The following RGS7 variants were observed in gnomAD, a reference collection of about 807,000 sequenced individuals.
The protein encoded by RGS7 is regulator of G protein signaling 7.
In RGS7, 27 loss-of-function variants were observed where a neutral mutation model predicts 81.1. That is an observed-to-expected ratio of 0.33 (90% confidence interval 0.25 to 0.46). The LOEUF (loss-of-function observed/expected upper bound fraction) is 0.46. Ranked by LOEUF, RGS7 falls within the 20% of genes least tolerant of loss-of-function variation. The probability of loss-of-function intolerance (pLI) is 1.00; values close to 1 mark genes in which losing one functional copy is unlikely to be tolerated. For synonymous variants in RGS7, 208 were observed against 207.7 expected (o/e 1.00, Z -0.01); for missense variants, 396 against 607.4 (o/e 0.65, Z 3.66).
intron 2 of RGS7, among the ~76,000 whole-genome samples, chr1:241,162,663 C>G (rs1271917170): frequency 6.6e-6 from 1 of 152,218 alleles, no homozygotes; most frequent in Non-Finnish European, 1.5e-5. Context: ...AAACCCACTT[C>G]TACCCCTTGG....
At chr1:241,038,827 T>G (rs2060460277) in intron 3 of RGS7, among the ~76,000 whole-genome samples, 1 of 151,830 alleles carries the variant, frequency 6.6e-6, no homozygotes, top group African/African-American at 2.4e-5. Context: ...AATAAAAAAT[T>G]AGTAGGGCAT....
chr1:240,956,107 C>T (rs1680368236), intron 4 of RGS7, among the ~76,000 whole-genome samples: 1 of 152,070 alleles, frequency 6.6e-6, no homozygotes. Flanking sequence ...TTCATTCTTA[C>T]CAGAACAGTG....
intron 2 of RGS7, among the ~76,000 whole-genome samples, chr1:241,158,246 A>G (rs1277872450): frequency 6.6e-6 from 1 of 152,216 alleles, no homozygotes; most frequent in Non-Finnish European, 1.5e-5. Flanking sequence ...TATGTTTACT[A>G]TCTGGCCCTT....
intron 2 of RGS7, among the ~76,000 whole-genome samples, chr1:241,229,420 G>T (rs898281037): frequency 6.6e-6 from 1 of 152,184 alleles, no homozygotes; most frequent in African/African-American, 2.4e-5. Flanking sequence ...CTTGCCAAGA[G>T]TCCTCACGCG....
At chr1:241,081,465 AAC>A (rs2063131791) in intron 3 of RGS7, among the ~76,000 whole-genome samples, 2 of 152,218 alleles carry the variant, frequency 1.3e-5, no homozygotes, top group Admixed American at 6.5e-5. Flanking sequence ...AACAGTCCCA[AAC>A]ACTGCCATGG....
chr1:240,889,289 A>G (rs1017189095), intron 6 of RGS7, among the ~76,000 whole-genome samples: 2 of 152,106 alleles, frequency 1.3e-5, no homozygotes, highest in African/African-American at 4.8e-5. Flanking sequence ...TCTAAATTGT[A>G]AGAGGGAATC....
intron 9 of RGS7, among the ~76,000 whole-genome samples, chr1:240,838,053 CCTGT>C (rs1694995619): frequency 6.6e-6 from 1 of 152,148 alleles, no homozygotes; most frequent in South Asian, 2.1e-4. Context: ...GGTGCATCTC[CCTGT>C]CTTAGTCTCT....
chr1:240,865,822 G>A (rs1663135150), intron 9 of RGS7, among the ~76,000 whole-genome samples: 1 of 152,132 alleles, frequency 6.6e-6, no homozygotes, highest in South Asian at 2.1e-4. Flanking sequence ...TCTTGTCATT[G>A]CTTAGCTAAC....
intron 4 of RGS7, among the ~76,000 whole-genome samples, chr1:240,975,576 C>T (rs992073229): frequency 6.6e-6 from 1 of 152,100 alleles, no homozygotes; most frequent in African/African-American, 2.4e-5. Context: ...ATGACTCTTA[C>T]AGTGAGAGGC....
intron 3 of RGS7, among the ~76,000 whole-genome samples, chr1:241,020,827 C>G (rs549076078): frequency 3.9e-5 from 6 of 152,132 alleles, no homozygotes; most frequent in Admixed American, 1.3e-4. Flanking sequence ...CAGTGCCAGA[C>G]AGTCAAGAAA....
intron 2 of RGS7, among the ~76,000 whole-genome samples, chr1:241,152,511 C>T (rs2103138411): frequency 6.6e-6 from 1 of 152,228 alleles, no homozygotes; most frequent in African/African-American, 2.4e-5. Flanking sequence ...TTCCTGAAGC[C>T]CATTGAACAC....
intron 3 of RGS7, among the ~76,000 whole-genome samples, chr1:241,002,009 T>C (rs941994318): frequency 2.8e-4 from 42 of 152,280 alleles, no homozygotes; most frequent in African/African-American, 8.9e-4. Flanking sequence ...GGAGGTTCAC[T>C]GAACCGTAAC....
chr1:241,213,135 A>G (rs945267003), intron 2 of RGS7, among the ~76,000 whole-genome samples: 11 of 152,178 alleles, frequency 7.2e-5, no homozygotes, highest in African/African-American at 2.7e-4. Flanking sequence ...TCTGTCTATT[A>G]GAATGCTTCC....
chr1:241,324,971 G>T (rs555356286), intron 2 of RGS7, among the ~76,000 whole-genome samples: 70 of 152,264 alleles, frequency 4.6e-4, no homozygotes, highest in African/African-American at 1.6e-3. Context: ...TTCCAAAAAA[G>T]CAGTAGCTAT....
intron 4 of RGS7, among the ~76,000 whole-genome samples, chr1:240,966,979 C>CAACACAAAG (rs146670395): frequency 0.017 from 2,604 of 152,224 alleles, 68 homozygotes; most frequent in African/African-American, 0.058. Flanking sequence ...GGGTTAGGGA[C>CAACACAAAG]AACACAAAGA....
Position 240,960,436 on chromosome 1 carries a change from G to T in RGS7, c.226+22643C>A, listed in dbSNP as rs567387444. Among the ~76,000 whole-genome samples, 3 of 150,210 alleles carry T rather than the reference G, an allele frequency of 2.0e-5. No homozygotes were observed. In the South Asian group the frequency reaches 6.3e-4, roughly 32 times the overall value. ...TTTTTGTATTTTTTGTAGACATAGG[G>T]TTTCACCATGTCACAGGCTGGTCTT... On this transcript the variant is annotated intron_variant, in intron 4 of 18. Transcript: ENST00000440928.
intron 18 of RGS7, among the ~76,000 whole-genome samples, chr1:240,779,877 ATCATTATATGC>A: frequency 6.6e-6 from 1 of 152,260 alleles, no homozygotes; most frequent in Admixed American, 6.5e-5. Context: ...TATTAACACT[ATCATTATATGC>A]TCTCTTCATT....
At chr1:240,892,757 T>C (rs1201204447) in intron 6 of RGS7, among the ~76,000 whole-genome samples, 2 of 152,194 alleles carry the variant, frequency 1.3e-5, no homozygotes, top group African/African-American at 4.8e-5. Context: ...CTATTTTCCA[T>C]GAGCCGTGTT....
At chr1:241,232,923 G>T (rs2075745996) in intron 2 of RGS7, among the ~76,000 whole-genome samples, 1 of 151,652 alleles carries the variant, frequency 6.6e-6, no homozygotes, top group Non-Finnish European at 1.5e-5. Context: ...TTGTTATATT[G>T]TCCATTGCTA....
Sources: gnomAD v4.1 joint callset for allele counts (sites outside exome capture counted in the v4.1 genomes callset) on GRCh38, gnomAD v4.1.1 for gene constraint, MANE v1.5 for transcripts, NCBI Gene and HGNC (gene_info 2026-07-23, HGNC 2026-07-21) for gene names.